Variants in NSMCE4A observed in about 807,000 individuals in gnomAD.
The protein encoded by NSMCE4A is non-structural maintenance of chromosomes element 4 homolog A.
A neutral mutation model predicts 47.9 loss-of-function variants in NSMCE4A; 40 were observed. The observed-to-expected ratio is 0.83, with a 90% CI of 0.65 to 1.09. The LOEUF (loss-of-function observed/expected upper bound fraction) is 1.09, where lower values mean the gene tolerates loss of function less well. NSMCE4A is among the 50% of genes least tolerant of loss of function. NSMCE4A has a pLI of 0.00. For missense variants in NSMCE4A, 500 were observed against 507.0 expected (o/e 0.99, Z 0.13); for synonymous variants, 166 against 178.5 (o/e 0.93, Z 0.56).
At chr10:121,972,296 C>T (rs1003792307) in intron 2 of NSMCE4A, among the ~76,000 whole-genome samples, 3 of 152,064 alleles carry the variant, frequency 2.0e-5, no homozygotes, top group African/African-American at 7.2e-5. Context: ...TGCACTCCAG[C>T]CTGGGCGACA....
At position 121,960,280 on chromosome 10, in the gene NSMCE4A, C is replaced by A; in HGVS notation, c.988+78G>T. On this transcript the variant is annotated intron_variant, in intron 8 of 10. Transcript: ENST00000369023. This position sits in a 1 kb window ranked among gnomAD's most constrained non-coding sequence, Gnocchi z 4.2. The stretch of plus-strand genomic sequence containing the variant: ...TTAATCTACATTGAAAATTCATTTA[C>A]ATTTAGTAAAATACTTAAATTCTAC... The A allele has an allele frequency of 1.1e-6, 1 of 930,584 alleles. No homozygotes were observed. Among genetic ancestry groups the A allele is most frequent in the Non-Finnish European group, 1.5e-6 (1 of 659,592 alleles). The allele number at this position is 930,584 out of a possible 1,614,324, so 57.6% of individuals were successfully genotyped here.
chr10:121,961,448 A>G lies in NSMCE4A; in HGVS notation c.914T>C (p.Ile305Thr), dbSNP rs775869116. 6.3e-7 allele frequency: 1 copy of G among 1,575,392 alleles called. No homozygotes were observed. Among genetic ancestry groups the G allele is most frequent in the South Asian group, 1.2e-5 (1 of 83,966 alleles). The change falls in exon 7 of 11, where the codon ATC becomes ACC. Residue 305 changes from isoleucine to threonine, a missense_variant. Physicochemically the swap from Ile to Thr is moderately conservative, Grantham distance 89. Transcript: ENST00000369023. ...PHSFPRTVENIFHVSFIIRDG... is the reference protein window; with the variant it reads ...PHSFPRTVENTFHVSFIIRDG... ...CCGTATAATGAAGGAAACATGAAAG[A>G]TGTTTTCCACTGTACGGGGGAAAGA...
Position 121,963,238 on chromosome 10 carries a change from G to C in NSMCE4A, c.844C>G (p.Pro282Ala). ...CCACTTTGAATGGTGTTACACTTAC[G>C]ATCTTCTCGAAAATATGTCTGCAAC... ...GLLQTYFREDPDTPMSFFDFV... is the reference protein window; with the variant it reads ...GLLQTYFREDADTPMSFFDFV... Residue 282 changes from proline (P) to alanine (A), a missense_variant and splice_region_variant, in exon 6 of 11, where the codon CCT (proline) becomes GCT (alanine). Coordinates refer to ENST00000369023, the MANE Select transcript of NSMCE4A (RefSeq NM_017615.3). 1.4e-5 allele frequency: 23 copies of C among 1,591,706 alleles called. No individual in the cohort carries two copies. The highest frequency in any genetic ancestry group is 1.8e-5 in the Non-Finnish European group (21 of 1,160,082).
At chr10:121,957,622 G>C (rs1952422115) in intron 10 of NSMCE4A, among the ~76,000 whole-genome samples, 2 of 151,644 alleles carry the variant, frequency 1.3e-5, no homozygotes, top group Non-Finnish European at 2.9e-5. Flanking sequence ...TTTTAGTAGA[G>C]ACGGGGTTTC....
chr10:121,973,958 TA>T, intron 2 of NSMCE4A, 45 bp downstream of exon 2: 1 of 1,342,952 alleles, frequency 7.4e-7, no homozygotes, highest in Non-Finnish European at 1.0e-6. Context: ...TAACACTAAT[TA>T]AAAGTATCAT....
At chr10:121,962,402 GAGCGAGACTCTGTCTCA>G (rs1952518504) in intron 6 of NSMCE4A, among the ~76,000 whole-genome samples, 1 of 148,398 alleles carries the variant, frequency 6.7e-6, no homozygotes, top group Non-Finnish European at 1.5e-5. Context: ...CTGGGCGACA[GAGCGAGACTCTGTCTCA>G]AAAAAAAAAA....
chr10:121,959,629 AG>A, intron 8 of NSMCE4A, 34 bp from the exon 9 acceptor site: 1 of 1,480,672 alleles, frequency 6.8e-7, no homozygotes, highest in Non-Finnish European at 9.4e-7. Flanking sequence ...AATTTATCAA[AG>A]GTTATTAAAT....
intron 5 of NSMCE4A, among the ~76,000 whole-genome samples, chr10:121,964,257 C>G (rs1952562570): frequency 6.7e-6 from 1 of 149,864 alleles, no homozygotes; most frequent in Non-Finnish European, 1.5e-5. Context: ...ATTCTCCTAC[C>G]TCAGCCTCCA....
intron 3 of NSMCE4A, among the ~76,000 whole-genome samples, chr10:121,969,650 A>G (rs1216354151): frequency 6.6e-6 from 1 of 152,186 alleles, no homozygotes; most frequent in Non-Finnish European, 1.5e-5. Flanking sequence ...TTAGAAATGC[A>G]ATATTCATAC....
intron 1 of NSMCE4A, chr10:121,974,401 G>C: frequency 9.4e-7 from 1 of 1,059,246 alleles, no homozygotes; most frequent in Non-Finnish European, 1.1e-6. Flanking sequence ...ATCACCTGGA[G>C]GGCCACTCCA....
At chr10:121,972,428 G>C (rs915583442) in intron 2 of NSMCE4A, among the ~76,000 whole-genome samples, 10 of 152,050 alleles carry the variant, frequency 6.6e-5, no homozygotes, top group Non-Finnish European at 1.3e-4. Flanking sequence ...TGAGTATCCT[G>C]TGCCTGCCTG....
chr10:121,961,689 C>A, intron 6 of NSMCE4A, 172 bp from the exon 7 acceptor site: 1 of 493,780 alleles, frequency 2.0e-6, no homozygotes, highest in Non-Finnish European at 3.6e-6. Flanking sequence ...ACATGTATGC[C>A]CACTGACCTG....
rs773901310 is a variant in NSMCE4A at position 121,970,970 on chromosome 10, G to A, written c.470C>T (p.Ser157Phe). 1 of 1,612,616 alleles carries A rather than the reference G, an allele frequency of 6.2e-7. No individual in the cohort carries two copies. The highest frequency in any genetic ancestry group is 1.3e-5 in the African/African-American group (1 of 74,772). ...TTCAACATATCTTAACATGTCAAAG[G>A]AGCTCAGGTCTGAGCGCAGCTGCTT... ...KAKQLRSDLS[S>F]FDMLRYVETL... Residue 157 changes from serine (S) to phenylalanine (F), a missense_variant, in exon 3 of 11, where the codon TCC becomes TTC. Physicochemically the swap from Ser to Phe is radical, Grantham distance 155. Transcript: ENST00000369023.
chr10:121,960,430 G>A lies in NSMCE4A; in HGVS notation c.940-24C>T, dbSNP rs1318101591. 1 of 1,501,770 alleles carries A rather than the reference G, an allele frequency of 6.7e-7. No individual in the cohort carries two copies. Among genetic ancestry groups the A allele is most frequent in the Non-Finnish European group, 8.8e-7 (1 of 1,137,268 alleles). 93.0% of individuals were successfully genotyped at this position (1,501,770 alleles called of 1,614,324 possible). A position where few individuals can be genotyped will look rare whatever the true frequency, so the allele number is the denominator to read the frequency against. ...TCCTAAAACGAAAACATGATTTTAG[G>A]AGAAGACAAACATTTAAGACTCAAA... On this transcript the variant is annotated intron_variant, in intron 7 of 10. Transcript: ENST00000369023. The surrounding 1 kb of genome is among the most constrained non-coding windows in gnomAD (Gnocchi z 4.2).
chr10:121,963,379 G>GTTTTCTTCTCTTTTGCACACCCAAACTAC, intron 5 of NSMCE4A, 51 bp from the exon 6 acceptor site: 5 of 1,061,614 alleles, frequency 4.7e-6, no homozygotes, highest in Non-Finnish European at 2.9e-6. Flanking sequence ...GCCTATTAAC[G>GTTTTCTTCTCTTTTGCACACCCAAACTAC]TTTTCTTCTC....
In NSMCE4A at chr10:121,967,655, A is replaced by T; in HGVS notation, c.653T>A (p.Leu218Gln). 6.2e-7 allele frequency: 1 copy of T among 1,602,588 alleles called. No homozygotes were observed. Among genetic ancestry groups the T allele is most frequent in the Non-Finnish European group, 8.5e-7 (1 of 1,177,516 alleles). The change falls in exon 4 of 11, where the codon CTG becomes CAG. Residue 218 changes from leucine to glutamine, a missense_variant and splice_region_variant. Physicochemically the swap from Leu to Gln is moderately radical, Grantham distance 113 (BLOSUM62 -2). Coordinates refer to ENST00000369023, the MANE Select transcript of NSMCE4A (RefSeq NM_017615.3). ...TFNKTHTFHF[L>Q]LGSIYGECPV... ...TGTTGGATTTTTAAAATAATCTTAC[A>T]GAAAGTGGAATGTATGGGTTTTATT...
At chr10:121,974,472 T>G in intron 1 of NSMCE4A, 2 of 1,007,214 alleles carry the variant, frequency 2.0e-6, no homozygotes, top group Non-Finnish European at 2.4e-6. Context: ...TCCGAGAACG[T>G]GCATTTGACA....
At chr10:121,961,950 G>GA (rs1564991399) in intron 6 of NSMCE4A, 17 of 236,840 alleles carry the variant, frequency 7.2e-5, no homozygotes, top group Admixed American at 1.6e-4. Flanking sequence ...TAAAAATACA[G>GA]AAAAAAAATT....
At chr10:121,962,111 A>C in intron 6 of NSMCE4A, 1 of 3,406 alleles carries the variant, frequency 2.9e-4, no homozygotes, top group Non-Finnish European at 5.8e-4. Flanking sequence ...CTGTCTCCTA[A>C]AAAAAAAAAA....
Sources: allele counts gnomAD v4.1 joint callset (sites outside exome capture counted in the v4.1 genomes callset), GRCh38; gene constraint gnomAD v4.1.1; non-coding constraint Gnocchi (gnomAD v3.1); transcripts MANE v1.5; gene names NCBI Gene and HGNC (gene_info 2026-07-23, HGNC 2026-07-21).